Variants in MYOM2 observed in about 807,000 individuals in gnomAD.
The protein encoded by MYOM2 is myomesin 2.
Under a neutral mutation model 187.6 loss-of-function variants are expected in MYOM2, and 254 were observed. The observed-to-expected ratio is 1.35, with a 90% confidence interval of 1.22 to 1.50. The LOEUF is 1.50. Ranked by LOEUF, MYOM2 falls within the 40% of genes most tolerant of loss-of-function variation. MYOM2 has a pLI of 0.00. For synonymous variants in MYOM2, 981 were observed against 753.8 expected (o/e 1.30, Z -4.94); for missense variants, 2,796 against 1,924.0 (o/e 1.45, Z -8.48).
chr8:2,114,875 G>A (rs921284380), intron 25 of MYOM2, among the ~76,000 whole-genome samples: 1 of 152,150 alleles, frequency 6.6e-6, no homozygotes, highest in African/African-American at 2.4e-5. Context: ...CCACAGGGAT[G>A]TGACAAATTT....
intron 3 of MYOM2, among the ~76,000 whole-genome samples, 189 bp downstream of exon 3, chr8:2,052,502 T>C (rs1818525913): frequency 6.6e-6 from 1 of 152,230 alleles, no homozygotes; most frequent in African/African-American, 2.4e-5. Context: ...ATTATCTCAA[T>C]TAATCTGAAC....
chr8:2,103,125 TGG>T (rs1563057468), intron 21 of MYOM2, among the ~76,000 whole-genome samples: 8 of 26,182 alleles, frequency 3.1e-4, no homozygotes, highest in South Asian at 1.9e-3. Context: ...CATGTATGGG[TGG>T]GTGGGTGTGT....
rs761797407 is a variant in MYOM2 at position 2,073,323 on chromosome 8, G to C, written c.959-16G>C. 10 of 1,597,104 alleles carry C rather than the reference G, an allele frequency of 6.3e-6. No homozygotes were observed. The highest frequency in any genetic ancestry group is 6.0e-6 in the Non-Finnish European group (7 of 1,169,640). ...GTGATTTTGGATGCAAACCTTCCGTGTTAACGCTCTTTCAGACGTGCTGTT... is the reference window on the plus strand; with the variant it reads ...GTGATTTTGGATGCAAACCTTCCGTCTTAACGCTCTTTCAGACGTGCTGTT... On this transcript the variant is annotated splice_polypyrimidine_tract_variant and intron_variant, in intron 9 of 36. Transcript: ENST00000262113.
At chr8:2,134,813 C>T (rs1236888815) in intron 32 of MYOM2, among the ~76,000 whole-genome samples, 3 of 152,134 alleles carry the variant, frequency 2.0e-5, no homozygotes, top group African/African-American at 7.2e-5. Context: ...GCCTTATTTT[C>T]TGGGCCCGTA....
At chr8:2,141,289 A>T in intron 34 of MYOM2, 112 bp downstream of exon 34, 1 of 860,680 alleles carries the variant, frequency 1.2e-6, no homozygotes, top group Non-Finnish European at 1.9e-6. Flanking sequence ...AGAAAGAGCC[A>T]TTCCTGGGAC....
intron 1 of MYOM2, among the ~76,000 whole-genome samples, chr8:2,047,301 G>A (rs541824070): frequency 6.6e-6 from 1 of 152,144 alleles, no homozygotes; most frequent in Non-Finnish European, 1.5e-5. Flanking sequence ...GCCCAGGCTG[G>A]GTGAGGGACA....
At chr8:2,060,999 G>A (rs920202062) in intron 6 of MYOM2, among the ~76,000 whole-genome samples, 2 of 152,116 alleles carry the variant, frequency 1.3e-5, no homozygotes, top group African/African-American at 4.8e-5. Context: ...TCCCCAGCAG[G>A]GTTCTGGCTG....
At chr8:2,097,022 C>T (rs1226338554) in intron 18 of MYOM2, 1 of 653,642 alleles carries the variant, frequency 1.5e-6, no homozygotes, top group Non-Finnish European at 1.9e-6. Context: ...GCCCTTGACC[C>T]CTCATCTGAG....
chr8:2,052,315 T>C lies in MYOM2; in HGVS notation c.263+2T>C, dbSNP rs760562130. The C allele has an allele frequency of 8.8e-6, 14 of 1,597,066 alleles. No homozygotes were observed. Among genetic ancestry groups the C allele is most frequent in the Non-Finnish European group, 8.5e-6 (10 of 1,171,178 alleles). On this transcript the variant is annotated splice_donor_variant, in intron 3 of 36. Coordinates refer to ENST00000262113, the MANE Select transcript of MYOM2 (RefSeq NM_003970.4). LOFTEE classifies it high-confidence loss of function. ...TGAGGAGCAGGAGAACAGAAGCAGG[T>C]GAGCACATGGCTTCCCTGACTCCAC...
At chr8:2,059,074 G>T (rs1314772900) in intron 5 of MYOM2, 79 bp from the exon 6 acceptor site, 8 of 1,201,492 alleles carry the variant, frequency 6.7e-6, no homozygotes, top group Non-Finnish European at 9.7e-6. Flanking sequence ...GGCAGCAGGC[G>T]CGGGGGAGCT....
At chr8:2,103,842 T>G (rs902555275) in intron 21 of MYOM2, among the ~76,000 whole-genome samples, 1 of 152,082 alleles carries the variant, frequency 6.6e-6, no homozygotes, top group Non-Finnish European at 1.5e-5. Flanking sequence ...ATATATTATG[T>G]GTATATGTGT....
intron 33 of MYOM2, 59 bp downstream of exon 33, chr8:2,140,945 T>A (rs3736658): frequency 3.3e-6 from 5 of 1,519,052 alleles, no homozygotes; most frequent in Admixed American, 3.8e-5. Context: ...ATTTAGATGC[T>A]GAAGGGAGGG....
chr8:2,071,300 CTGT>C (rs1397100308), intron 8 of MYOM2, among the ~76,000 whole-genome samples: 1 of 152,048 alleles, frequency 6.6e-6, no homozygotes, highest in African/African-American at 2.4e-5. Flanking sequence ...CGGCCTGCAG[CTGT>C]TGTTTAAACT....
At chr8:2,138,303 G>A (rs545242779) in intron 32 of MYOM2, among the ~76,000 whole-genome samples, 10 of 152,174 alleles carry the variant, frequency 6.6e-5, no homozygotes, top group South Asian at 2.1e-4. Flanking sequence ...TGGCCTCATC[G>A]CTTCTGCTTC....
rs1354171262 is a variant in MYOM2 at position 2,123,657 on chromosome 8, C to T, written c.3655+15C>T. On this transcript the variant is annotated intron_variant, in intron 30 of 36. Coordinates refer to ENST00000262113, the MANE Select transcript of MYOM2 (RefSeq NM_003970.4). ...AGCTGGCAAAGGTAAAAGAAAACCTCCTTTGTTCTGTGAACAAGAAATTCC... is the reference window on the plus strand; with the variant it reads ...AGCTGGCAAAGGTAAAAGAAAACCTTCTTTGTTCTGTGAACAAGAAATTCC... 1.2e-6 allele frequency: 2 copies of T among 1,609,790 alleles called. No homozygotes were observed. The highest frequency in any genetic ancestry group is 1.7e-6 in the Non-Finnish European group (2 of 1,176,278).
chr8:2,083,673 C>T (rs987779328), intron 13 of MYOM2, among the ~76,000 whole-genome samples: 1 of 152,260 alleles, frequency 6.6e-6, no homozygotes, highest in African/African-American at 2.4e-5. Context: ...ATGCCCACCC[C>T]TGTGCTTCCC....
intron 8 of MYOM2, among the ~76,000 whole-genome samples, chr8:2,071,112 C>T (rs1282080919): frequency 2.6e-5 from 4 of 152,060 alleles, no homozygotes; most frequent in Non-Finnish European, 1.5e-5. Flanking sequence ...GGACTACAGG[C>T]GTGTGTCACC....
chr8:2,110,145 A>C (rs1191683212), intron 25 of MYOM2, among the ~76,000 whole-genome samples: 1 of 152,186 alleles, frequency 6.6e-6, no homozygotes, highest in East Asian at 1.9e-4. Flanking sequence ...CAACATAAGG[A>C]GATCCCATCT....
intron 25 of MYOM2, among the ~76,000 whole-genome samples, chr8:2,110,351 C>G (rs1360164911): frequency 1.3e-5 from 2 of 152,306 alleles, no homozygotes; most frequent in East Asian, 1.9e-4. Flanking sequence ...GGCACATGCT[C>G]TGTCACGGTC....
Sources: gnomAD v4.1 joint callset for allele counts (sites outside exome capture counted in the v4.1 genomes callset) on GRCh38, gnomAD v4.1.1 for gene constraint, MANE v1.5 for transcripts, NCBI Gene and HGNC (gene_info 2026-07-23, HGNC 2026-07-21) for gene names.